The following SMIM35 variants were observed in gnomAD, a reference collection of about 807,000 sequenced individuals.
The protein encoded by SMIM35 is small integral membrane protein 35.
chr11:118,077,472 C>T (rs1032107670), intron 1 of SMIM35, among the ~76,000 whole-genome samples: 1 of 152,222 alleles, frequency 6.6e-6, no homozygotes, highest in Non-Finnish European at 1.5e-5. Flanking sequence ...GTACACGTCT[C>T]ATACCCACCT....
At chr11:118,073,767 G>A (rs1260487499) in intron 1 of SMIM35, among the ~76,000 whole-genome samples, 2 of 152,240 alleles carry the variant, frequency 1.3e-5, no homozygotes, top group Non-Finnish European at 2.9e-5. Context: ...GGACACCAGC[G>A]AGTTCCCCTG....
intron 1 of SMIM35, among the ~76,000 whole-genome samples, chr11:118,070,189 T>G (rs1033962244): frequency 2.0e-5 from 3 of 152,194 alleles, no homozygotes; most frequent in African/African-American, 7.2e-5. Flanking sequence ...TTCCTTTTCT[T>G]TTTTTTGAGG....
chr11:118,040,604 T>C (rs1022617640), intron 1 of SMIM35, among the ~76,000 whole-genome samples: 2 of 152,012 alleles, frequency 1.3e-5, no homozygotes, highest in Non-Finnish European at 2.9e-5. Context: ...AGGACATCCA[T>C]CAGGCTAAAA....
At chr11:118,055,001 C>T (rs1944288027) in intron 1 of SMIM35, among the ~76,000 whole-genome samples, 1 of 152,060 alleles carries the variant, frequency 6.6e-6, no homozygotes, top group African/African-American at 2.4e-5. Context: ...GGCAGGATTT[C>T]ACCAAGTTGA....
chr11:118,008,735 C>A (rs2058135492), intron 4 of SMIM35, among the ~76,000 whole-genome samples: 1 of 152,218 alleles, frequency 6.6e-6, no homozygotes, highest in African/African-American at 2.4e-5. Context: ...AGAGAGATTT[C>A]AACACAATTT....
chr11:118,054,271 G>T (rs4938471), intron 1 of SMIM35, among the ~76,000 whole-genome samples: 91,303 of 151,634 alleles, frequency 0.6, 27,674 homozygotes, highest in Non-Finnish European at 0.64. Context: ...TTGTGTGGAC[G>T]CATTGTGCAT....
At chr11:118,043,702 C>T (rs1035736293) in intron 1 of SMIM35, among the ~76,000 whole-genome samples, 3 of 150,878 alleles carry the variant, frequency 2.0e-5, no homozygotes, top group Non-Finnish European at 4.4e-5. Flanking sequence ...CCCAGCTACT[C>T]GGGAGGCTGA....
chr11:118,028,890 G>C, intron 1 of SMIM35: 2 of 437,794 alleles, frequency 4.6e-6, no homozygotes, highest in Non-Finnish European at 9.2e-6. Context: ...AGAAGAAGGA[G>C]GAGGGGAAGG....
At chr11:118,043,189 A>G (rs1944034377) in intron 1 of SMIM35, among the ~76,000 whole-genome samples, 1 of 152,248 alleles carries the variant, frequency 6.6e-6, no homozygotes, top group Non-Finnish European at 1.5e-5. Flanking sequence ...CAGATTGGAA[A>G]GGAAGAAATG....
chr11:118,048,597 GCAA>G, intron 1 of SMIM35, among the ~76,000 whole-genome samples: 1 of 106,852 alleles, frequency 9.4e-6, no homozygotes, highest in African/African-American at 3.4e-5. Context: ...AAGGAAGGAA[GCAA>G]GGAAGCAAGG....
intron 1 of SMIM35, among the ~76,000 whole-genome samples, chr11:118,060,262 C>T (rs573353731): frequency 2.2e-4 from 33 of 152,302 alleles, no homozygotes; most frequent in African/African-American, 6.5e-4. Context: ...CTCAGGTGAA[C>T]GGGGATGGGG....
chr11:118,034,691 G>A (rs1003535279), intron 1 of SMIM35, among the ~76,000 whole-genome samples: 15 of 152,224 alleles, frequency 9.9e-5, no homozygotes, highest in African/African-American at 3.6e-4. Flanking sequence ...GTGACAGAGC[G>A]AGATCCTGTC....
At chr11:118,042,877 G>A (rs926779904) in intron 1 of SMIM35, among the ~76,000 whole-genome samples, 7 of 152,090 alleles carry the variant, frequency 4.6e-5, no homozygotes, top group African/African-American at 7.2e-5. Context: ...GTAACACATC[G>A]TACCAGTAGA....
At chr11:118,033,695 A>T (rs1057404248) in intron 1 of SMIM35, among the ~76,000 whole-genome samples, 1 of 152,206 alleles carries the variant, frequency 6.6e-6, no homozygotes, top group African/African-American at 2.4e-5. Flanking sequence ...CTTCAAGATG[A>T]CAGTTTCAAA....
At chr11:118,070,412 G>A (rs528641688) in intron 1 of SMIM35, among the ~76,000 whole-genome samples, 38 of 152,270 alleles carry the variant, frequency 2.5e-4, no homozygotes, top group Non-Finnish European at 5.3e-4. Context: ...CCTGACCTCA[G>A]GTGATCCATC....
At chr11:118,015,463 C>T (rs908268702) in intron 2 of SMIM35, among the ~76,000 whole-genome samples, 5 of 152,132 alleles carry the variant, frequency 3.3e-5, no homozygotes, top group Non-Finnish European at 7.4e-5. Context: ...AAGCTGGCTG[C>T]TTGCTGGGGT....
chr11:118,018,395 T>C (rs1227946582), intron 1 of SMIM35, among the ~76,000 whole-genome samples: 1 of 152,088 alleles, frequency 6.6e-6, no homozygotes, highest in Admixed American at 6.5e-5. Flanking sequence ...AGGAGGCTAC[T>C]GCAATATCCA....
At chr11:118,030,576 G>A (rs972170793) in intron 1 of SMIM35, among the ~76,000 whole-genome samples, 6 of 152,172 alleles carry the variant, frequency 3.9e-5, no homozygotes, top group Admixed American at 2.6e-4. Flanking sequence ...GTGGCACTAT[G>A]GTGGTCCTGA....
intron 1 of SMIM35, among the ~76,000 whole-genome samples, chr11:118,080,580 C>T (rs1945049325): frequency 6.6e-6 from 1 of 152,130 alleles, no homozygotes; most frequent in South Asian, 2.1e-4. Context: ...TCAGTCTTCC[C>T]TCAGTGCAGC....
Sources: gnomAD v4.1 joint callset for allele counts (sites outside exome capture counted in the v4.1 genomes callset) on GRCh38, gnomAD v4.1.1 for gene constraint, MANE v1.5 for transcripts, NCBI Gene and HGNC (gene_info 2026-07-23, HGNC 2026-07-21) for gene names.